PDCD10: variants seen among roughly 807,000 people sequenced by gnomAD.
PDCD10 encodes the protein programmed cell death protein 10.
PDCD10 carries 4 observed loss-of-function variants against 29.2 expected under a neutral mutation model. The ratio of observed to expected loss-of-function variants is 0.14; its 90% CI spans 0.07 to 0.31. The LOEUF (loss-of-function observed/expected upper bound fraction) is 0.31. Among genes scored for constraint, PDCD10 ranks in the 10% least tolerant of loss-of-function variants. PDCD10 has a pLI of 1.00. For missense variants in PDCD10, 183 were observed against 257.9 expected (o/e 0.71, Z 1.99); for synonymous variants, 70 against 82.2 (o/e 0.85, Z 0.80).
chr3:167,705,811 GAT>G (rs540702082), intron 3 of PDCD10, among the ~76,000 whole-genome samples: 16 of 151,986 alleles, frequency 1.1e-4, no homozygotes, highest in South Asian at 8.3e-4. Context: ...AATTAACAAA[GAT>G]ATGTTTCCAA....
At chr3:167,691,109 C>T (rs546428734) in intron 6 of PDCD10, among the ~76,000 whole-genome samples, 9 of 152,156 alleles carry the variant, frequency 5.9e-5, no homozygotes, top group South Asian at 2.1e-4. Flanking sequence ...ATTGGAGAAA[C>T]GCCTGAAGAA....
chr3:167,716,120 A>G (rs1722984059), intron 3 of PDCD10, among the ~76,000 whole-genome samples: 1 of 152,024 alleles, frequency 6.6e-6, no homozygotes, highest in Non-Finnish European at 1.5e-5. Flanking sequence ...CTGTAACAAC[A>G]TGGCTGGAAC....
chr3:167,720,475 T>G (rs934279085), intron 2 of PDCD10, among the ~76,000 whole-genome samples: 1 of 152,110 alleles, frequency 6.6e-6, no homozygotes, highest in African/African-American at 2.4e-5. Flanking sequence ...CCTAAAGTCC[T>G]TGGTTAGGTA....
chr3:167,685,518 A>C (rs1719525626), intron 8 of PDCD10, among the ~76,000 whole-genome samples: 2 of 151,830 alleles, frequency 1.3e-5, no homozygotes, highest in South Asian at 4.2e-4. Flanking sequence ...TTCTGTTTTG[A>C]GGAAACAGGT....
At chr3:167,690,888 T>C (rs1346532571) in intron 6 of PDCD10, among the ~76,000 whole-genome samples, 1 of 152,214 alleles carries the variant, frequency 6.6e-6, no homozygotes, top group Non-Finnish European at 1.5e-5. Flanking sequence ...TAGCTAAATG[T>C]TGGAACACAG....
intron 3 of PDCD10, 71 bp downstream of exon 3, chr3:167,719,991 A>C: frequency 4.9e-6 from 5 of 1,010,916 alleles, no homozygotes; most frequent in East Asian, 2.4e-5. Context: ...CAAAAGAACA[A>C]GCAGACGAAT....
At chr3:167,687,490 A>T in intron 7 of PDCD10, 125 bp downstream of exon 7, 2 of 753,278 alleles carry the variant, frequency 2.7e-6, no homozygotes, top group Non-Finnish European at 4.7e-6. Flanking sequence ...TAAATTCAAG[A>T]ATAAACTCAA....
intron 4 of PDCD10, among the ~76,000 whole-genome samples, chr3:167,702,929 C>T (rs767923606): frequency 2.0e-5 from 3 of 152,152 alleles, no homozygotes; most frequent in Non-Finnish European, 2.9e-5. Flanking sequence ...AGACAACAAA[C>T]TTTATCCATG....
intron 4 of PDCD10, among the ~76,000 whole-genome samples, chr3:167,704,394 A>G (rs1224187622): frequency 6.6e-6 from 1 of 151,962 alleles, no homozygotes; most frequent in Non-Finnish European, 1.5e-5. Flanking sequence ...TGCCTGGCTA[A>G]TATTTTTATT....
intron 2 of PDCD10, among the ~76,000 whole-genome samples, chr3:167,732,144 C>A (rs1724885287): frequency 6.6e-6 from 1 of 152,116 alleles, no homozygotes; most frequent in South Asian, 2.1e-4. Context: ...TCTAAGGGAA[C>A]TAAGTCTTTA....
intron 2 of PDCD10, among the ~76,000 whole-genome samples, chr3:167,733,421 G>A (rs571486021): frequency 2.8e-4 from 42 of 152,222 alleles, no homozygotes; most frequent in Non-Finnish European, 5.7e-4. Context: ...TGAACTATAC[G>A]TGTACTGTTT....
chr3:167,722,476 T>A (rs1182368616), intron 2 of PDCD10, among the ~76,000 whole-genome samples: 1 of 152,272 alleles, frequency 6.6e-6, no homozygotes, highest in African/African-American at 2.4e-5. Context: ...AAGAAGAAGG[T>A]AGCCAAAAGT....
chr3:167,720,594 G>A (rs186154694), intron 2 of PDCD10, among the ~76,000 whole-genome samples: 2 of 151,874 alleles, frequency 1.3e-5, no homozygotes, highest in African/African-American at 4.8e-5. Context: ...TACAATCTAA[G>A]AGAACATATG....
At chr3:167,708,150 ATT>A (rs1245734555) in intron 3 of PDCD10, among the ~76,000 whole-genome samples, 1 of 152,112 alleles carries the variant, frequency 6.6e-6, no homozygotes, top group Non-Finnish European at 1.5e-5. Context: ...TTATAAAAAT[ATT>A]TTAAAAGCTT....
intron 3 of PDCD10, among the ~76,000 whole-genome samples, chr3:167,713,676 AAAG>A (rs1331632739): frequency 6.6e-6 from 1 of 151,994 alleles, no homozygotes; most frequent in African/African-American, 2.4e-5. Flanking sequence ...ACTAAGAAAA[AAAG>A]AAGACCCAAA....
intron 4 of PDCD10, among the ~76,000 whole-genome samples, chr3:167,702,286 G>A (rs771938309): frequency 3.0e-4 from 45 of 152,022 alleles, no homozygotes; most frequent in Non-Finnish European, 1.5e-4. Flanking sequence ...CCTCCTCAGC[G>A]TATTCAATGT....
At chr3:167,689,383 G>A (rs572887845) in intron 6 of PDCD10, among the ~76,000 whole-genome samples, 4 of 152,152 alleles carry the variant, frequency 2.6e-5, no homozygotes, top group Non-Finnish European at 5.9e-5. Context: ...ATATAATGGA[G>A]CAAATTACAT....
At chr3:167,701,895 T>C (rs1490686298) in intron 4 of PDCD10, among the ~76,000 whole-genome samples, 1 of 152,104 alleles carries the variant, frequency 6.6e-6, no homozygotes, top group African/African-American at 2.4e-5. Flanking sequence ...ATTGTAGATA[T>C]GGTTAAAAAA....
At chr3:167,722,452 A>C (rs1385987508) in intron 2 of PDCD10, among the ~76,000 whole-genome samples, 1 of 152,218 alleles carries the variant, frequency 6.6e-6, no homozygotes, top group Non-Finnish European at 1.5e-5. Flanking sequence ...AACCAGCATC[A>C]CGAAACAAGT....
Sources: gnomAD v4.1 joint callset for allele counts (sites outside exome capture counted in the v4.1 genomes callset) on GRCh38, gnomAD v4.1.1 for gene constraint, MANE v1.5 for transcripts, NCBI Gene and HGNC (gene_info 2026-07-23, HGNC 2026-07-21) for gene names.